The following MAP2K6 variants were observed in gnomAD, a reference collection of about 807,000 sequenced individuals.
MAP2K6 encodes dual specificity mitogen-activated protein kinase kinase 6.
MAP2K6 carries 16 observed loss-of-function variants against 53.7 expected under a neutral mutation model. The ratio of observed to expected loss-of-function variants is 0.30; its 90% CI spans 0.20 to 0.45. MAP2K6 has a LOEUF of 0.45. Among genes scored for constraint, MAP2K6 ranks in the 20% least tolerant of loss-of-function variants. The pLI, the probability that MAP2K6 is intolerant of heterozygous loss-of-function variation, is 1.00. For synonymous variants in MAP2K6, 132 were observed against 143.1 expected (o/e 0.92, Z 0.55); for missense variants, 204 against 411.9 (o/e 0.50, Z 4.37).
chr17:69,461,482 A>C (rs1290718731), intron 1 of MAP2K6, among the ~76,000 whole-genome samples: 1 of 152,152 alleles, frequency 6.6e-6, no homozygotes, highest in African/African-American at 2.4e-5. Context: ...GGTGAACCCG[A>C]GGGGTGGAAG....
At chr17:69,428,491 G>A (rs535436721) in intron 1 of MAP2K6, among the ~76,000 whole-genome samples, 1 of 152,326 alleles carries the variant, frequency 6.6e-6, no homozygotes, top group East Asian at 1.9e-4. Flanking sequence ...ACTCCAGTAT[G>A]ACATCATCTG....
chr17:69,469,962 G>A (rs574059419), intron 1 of MAP2K6, among the ~76,000 whole-genome samples: 1 of 152,266 alleles, frequency 6.6e-6, no homozygotes, highest in Non-Finnish European at 1.5e-5. Flanking sequence ...AGAACTTTGG[G>A]AGGCTGAGGC....
In MAP2K6 at chr17:69,516,836, T is replaced by TC; in HGVS notation, c.84-14dup. The stretch of plus-strand genomic sequence containing the variant: ...ACTCAATAGCTTATGTTTCTTCTTT[T>TC]CCCCCTTATCTTTCTTAGACCACCT... On this transcript the variant is annotated intron_variant, in intron 2 of 11. Transcript: ENST00000590474. 1 of 1,563,658 alleles carries TC rather than the reference T, an allele frequency of 6.4e-7. No homozygotes were observed. Among genetic ancestry groups the TC allele is most frequent in the Non-Finnish European group, 8.8e-7 (1 of 1,137,310 alleles).
chr17:69,446,315 C>A (rs932478772), intron 1 of MAP2K6, among the ~76,000 whole-genome samples: 1 of 152,174 alleles, frequency 6.6e-6, no homozygotes, highest in African/African-American at 2.4e-5. Flanking sequence ...AAGGATACAG[C>A]CTGGATTTAC....
In MAP2K6 at chr17:69,504,050, T is replaced by C. The variant is rs192138497; in HGVS notation, c.17-1730T>C. 3.3e-4 allele frequency among the ~76,000 whole-genome samples: 50 copies of C among 152,284 alleles called. 1 individual carries two copies. Among genetic ancestry groups the C allele is most frequent in the African/African-American group, 1.2e-3 (49 of 41,552 alleles). ...AGTAGAAAGAACTCCCACCTGGGTG[T>C]CAGGAGACCTGGATTCTGATTCTGA... On this transcript the variant is annotated intron_variant, in intron 1 of 11. Transcript: ENST00000590474.
intron 2 of MAP2K6, among the ~76,000 whole-genome samples, chr17:69,507,518 C>T (rs562717380): frequency 2.6e-5 from 4 of 152,270 alleles, no homozygotes; most frequent in Admixed American, 6.5e-5. Context: ...CCCCAGCAAC[C>T]GCTAATCTGT....
intron 1 of MAP2K6, among the ~76,000 whole-genome samples, chr17:69,450,456 A>G (rs930300921): frequency 3.9e-5 from 6 of 152,188 alleles, no homozygotes; most frequent in Non-Finnish European, 8.8e-5. Context: ...TTGGACCAGC[A>G]AAAATTGCTC....
At chr17:69,536,749 ATTGT>A (rs1290261909) in intron 11 of MAP2K6, among the ~76,000 whole-genome samples, 10 of 152,218 alleles carry the variant, frequency 6.6e-5, no homozygotes, top group Non-Finnish European at 1.3e-4. Flanking sequence ...ATATCTTAGC[ATTGT>A]TTGTTGTATT....
At chr17:69,487,072 T>C (rs1181538849) in intron 1 of MAP2K6, among the ~76,000 whole-genome samples, 1 of 152,226 alleles carries the variant, frequency 6.6e-6, no homozygotes, top group Non-Finnish European at 1.5e-5. Flanking sequence ...ATAACCTGCC[T>C]CTGTGATCCA....
At chr17:69,519,519 G>A (rs757533085) in intron 5 of MAP2K6, 87 bp downstream of exon 5, 2 of 1,535,824 alleles carry the variant, frequency 1.3e-6, no homozygotes, top group Admixed American at 3.5e-5. Context: ...CACAATCATG[G>A]AGCTCTTTCT....
chr17:69,471,346 G>A (rs778608427), intron 1 of MAP2K6, among the ~76,000 whole-genome samples: 10 of 152,200 alleles, frequency 6.6e-5, no homozygotes, highest in Admixed American at 4.6e-4. Flanking sequence ...CAGCCACAGA[G>A]GAGAATGGAA....
chr17:69,525,531 A>G (rs1910723338), intron 9 of MAP2K6, among the ~76,000 whole-genome samples: 1 of 152,152 alleles, frequency 6.6e-6, no homozygotes, highest in South Asian at 2.1e-4. Flanking sequence ...GGTTTAATGG[A>G]CTCACAGTTC....
rs118184450 is a variant in MAP2K6 at position 69,483,474 on chromosome 17, G to T, written c.17-22306G>T. Among the ~76,000 whole-genome samples, 418 of 152,106 alleles carry T rather than the reference G, an allele frequency of 2.7e-3. 1 individual carries two copies. Among genetic ancestry groups the T allele is most frequent in the Non-Finnish European group, 4.9e-3 (333 of 67,902 alleles). On this transcript the variant is annotated intron_variant, in intron 1 of 11. Transcript: ENST00000590474. ...AGAAGATCTAAATAAATGCAAAGGCGTACCATGTTCATGAGTCAAAAGACT... is the reference window on the plus strand; with the variant it reads ...AGAAGATCTAAATAAATGCAAAGGCTTACCATGTTCATGAGTCAAAAGACT...
intron 1 of MAP2K6, among the ~76,000 whole-genome samples, chr17:69,499,728 TAATA>T (rs989921136): frequency 1.9e-4 from 29 of 152,134 alleles, no homozygotes; most frequent in African/African-American, 6.0e-4. Context: ...GATAAACAAG[TAATA>T]AATAAATGCA....
At chr17:69,535,695 A>G (rs1911319398) in intron 10 of MAP2K6, among the ~76,000 whole-genome samples, 1 of 152,240 alleles carries the variant, frequency 6.6e-6, no homozygotes, top group Non-Finnish European at 1.5e-5. Context: ...AAACAGAAGC[A>G]AAAAGAACCA....
At chr17:69,471,511 A>G (rs894149356) in intron 1 of MAP2K6, among the ~76,000 whole-genome samples, 1 of 152,238 alleles carries the variant, frequency 6.6e-6, no homozygotes, top group African/African-American at 2.4e-5. Context: ...TGGGGACTCC[A>G]GAAAAGGGGA....
chr17:69,532,614 C>T (rs958533048), intron 10 of MAP2K6, among the ~76,000 whole-genome samples: 2 of 152,188 alleles, frequency 1.3e-5, no homozygotes, highest in African/African-American at 2.4e-5. Flanking sequence ...TGCTTTCCCC[C>T]CAACCTTATC....
intron 3 of MAP2K6, 125 bp downstream of exon 3, chr17:69,517,028 G>A: frequency 2.7e-6 from 2 of 733,500 alleles, no homozygotes; most frequent in Non-Finnish European, 2.3e-6. Context: ...GCATTTAAAG[G>A]GAAGTGGTAT....
chr17:69,519,698 T>C, intron 5 of MAP2K6: 1 of 422,344 alleles, frequency 2.4e-6, no homozygotes, highest in Non-Finnish European at 4.3e-6. Flanking sequence ...GAACTTTCTA[T>C]ATCGCCTATA....
Sources: gnomAD v4.1 joint callset for allele counts (sites outside exome capture counted in the v4.1 genomes callset) on GRCh38, gnomAD v4.1.1 for gene constraint, MANE v1.5 for transcripts, NCBI Gene and HGNC (gene_info 2026-07-23, HGNC 2026-07-21) for gene names.